Variants in WWOX observed in about 807,000 individuals in gnomAD.
WWOX encodes WW domain containing oxidoreductase.
Under a neutral mutation model 46.2 loss-of-function variants are expected in WWOX, and 69 were observed. The observed-to-expected ratio is 1.49, with a 90% CI of 1.23 to 1.82. The LOEUF (loss-of-function observed/expected upper bound fraction) is 1.82. WWOX is among the 40% of genes most tolerant of loss of function. The pLI, the probability that WWOX is intolerant of heterozygous loss-of-function variation, is 0.00. For missense variants in WWOX, 919 were observed against 542.6 expected, an observed-to-expected ratio of 1.69 and a Z score of -6.89; for synonymous variants, 359 against 202.6, an observed-to-expected ratio of 1.77 and a Z score of -6.56.
At position 78,925,764 on chromosome 16, in the gene WWOX, G is replaced by T. The variant is rs192693225; in HGVS notation, c.1057-285844G>T. Among the ~76,000 whole-genome samples the T allele has an allele frequency of 1.3e-4, 20 of 152,322 alleles. No homozygotes were observed. The East Asian group carries it at 2.9e-3, about 22-fold the overall frequency. ...CTCTCTAAGGGTGAAGATGCTGTTT[G>T]TTCTTGCAGGGTGAGGCTTTGGCCA... On this transcript the variant is annotated intron_variant, in intron 8 of 8. Transcript: ENST00000566780.
chr16:78,688,653 C>G (rs2047917090), intron 8 of WWOX, among the ~76,000 whole-genome samples: 1 of 152,116 alleles, frequency 6.6e-6, no homozygotes, highest in African/African-American at 2.4e-5. Flanking sequence ...TTGATAATGT[C>G]TGAGGCATTT....
At chr16:78,432,004 C>T (rs776403132) in intron 7 of WWOX, among the ~76,000 whole-genome samples, 1 of 152,162 alleles carries the variant, frequency 6.6e-6, no homozygotes, top group Non-Finnish European at 1.5e-5. Flanking sequence ...GCATGAGCCA[C>T]CAGACATGAC....
chr16:79,071,052 G>C (rs1020371993), intron 8 of WWOX, among the ~76,000 whole-genome samples: 1 of 152,204 alleles, frequency 6.6e-6, no homozygotes, highest in South Asian at 2.1e-4. Flanking sequence ...CATGGAGGCA[G>C]CATATAAGGT....
intron 8 of WWOX, among the ~76,000 whole-genome samples, chr16:78,504,285 GA>G (rs2085139453): frequency 6.6e-6 from 1 of 152,202 alleles, no homozygotes; most frequent in Non-Finnish European, 1.5e-5. Context: ...CCTGAAGGGG[GA>G]AAAGGTTTAA....
chr16:78,533,326 G>A (rs1187335777), intron 8 of WWOX, among the ~76,000 whole-genome samples: 1 of 151,944 alleles, frequency 6.6e-6, no homozygotes, highest in Non-Finnish European at 1.5e-5. Context: ...TAACATAGGG[G>A]TGTCCAAACT....
chr16:78,513,175 A>C (rs866920966), intron 8 of WWOX, among the ~76,000 whole-genome samples: 1 of 152,350 alleles, frequency 6.6e-6, no homozygotes. Flanking sequence ...CAAATGCCTC[A>C]AATCATTTTT....
chr16:78,620,535 G>C (rs73582855), intron 8 of WWOX, among the ~76,000 whole-genome samples: 3 of 152,300 alleles, frequency 2.0e-5, no homozygotes, highest in Non-Finnish European at 4.4e-5. Flanking sequence ...ACACTAGATA[G>C]TGGGTAGGGT....
At chr16:78,399,871 A>G (rs61171216) in intron 6 of WWOX, among the ~76,000 whole-genome samples, 1 of 152,228 alleles carries the variant, frequency 6.6e-6, no homozygotes, top group African/African-American at 2.4e-5. Flanking sequence ...ATCTTTTCCC[A>G]GTAAATTGTT....
At chr16:78,257,236 G>A (rs1357872751) in intron 5 of WWOX, among the ~76,000 whole-genome samples, 1 of 152,018 alleles carries the variant, frequency 6.6e-6, no homozygotes, top group Non-Finnish European at 1.5e-5. Flanking sequence ...GAAGGTTTAG[G>A]CATGTATGTT....
intron 8 of WWOX, among the ~76,000 whole-genome samples, chr16:78,818,641 G>T (rs548047888): frequency 1.3e-5 from 2 of 152,314 alleles, no homozygotes; most frequent in South Asian, 4.1e-4. Flanking sequence ...TGAGGCAGGA[G>T]GATCACTTGA....
intron 8 of WWOX, among the ~76,000 whole-genome samples, chr16:79,111,486 C>G (rs191566633): frequency 6.6e-6 from 1 of 152,056 alleles, no homozygotes; most frequent in East Asian, 1.9e-4. Context: ...ATCAAGCACT[C>G]GAGTATCCTA....
At chr16:78,848,782 G>C (rs2052364654) in intron 8 of WWOX, among the ~76,000 whole-genome samples, 1 of 136,274 alleles carries the variant, frequency 7.3e-6, no homozygotes, top group South Asian at 2.5e-4. Context: ...AAATAGACGG[G>C]AGTTACACAG....
chr16:79,105,845 C>G (rs953132252), intron 8 of WWOX: 4 of 151,962 alleles, frequency 2.6e-5, no homozygotes, highest in Non-Finnish European at 5.9e-5. Flanking sequence ...TTTTGTGTTG[C>G]TATTTTTATT....
chr16:78,960,963 A>C (rs2046260138), intron 8 of WWOX, among the ~76,000 whole-genome samples: 1 of 152,170 alleles, frequency 6.6e-6, no homozygotes. Flanking sequence ...CTGGAAAGAG[A>C]AGAATCTATA....
chr16:79,039,227 G>A (rs2047925644), intron 8 of WWOX, among the ~76,000 whole-genome samples: 1 of 152,132 alleles, frequency 6.6e-6, no homozygotes, highest in Admixed American at 6.5e-5. Context: ...AGGGGTTGCA[G>A]AATACCGATC....
intron 5 of WWOX, among the ~76,000 whole-genome samples, chr16:78,206,054 A>G (rs1400997483): frequency 6.6e-6 from 1 of 151,230 alleles, no homozygotes; most frequent in Non-Finnish European, 1.5e-5. Context: ...GTGTTTATCA[A>G]TAGACGATTA....
chr16:78,426,050 C>T (rs1486573802), intron 7 of WWOX, among the ~76,000 whole-genome samples: 1 of 152,156 alleles, frequency 6.6e-6, no homozygotes, highest in Admixed American at 6.5e-5. Flanking sequence ...ATAAGTGACA[C>T]ACTGCAGATA....
chr16:78,125,001 G>T (rs1265593200), intron 4 of WWOX, among the ~76,000 whole-genome samples: 1 of 152,110 alleles, frequency 6.6e-6, no homozygotes, highest in Non-Finnish European at 1.5e-5. Context: ...CATATAAAGA[G>T]GAACAAAATC....
rs142173444 is a variant in WWOX at position 79,031,071 on chromosome 16, C to G, written c.1057-180537C>G. 1.8e-3 allele frequency among the ~76,000 whole-genome samples: 235 copies of G among 133,688 alleles called. 4 individuals carry two copies. The East Asian group carries it at 0.039, about 22-fold the overall frequency. The allele number at this position is 133,688 out of a possible 152,430, so 87.7% of individuals were successfully genotyped here. On this transcript the variant is annotated intron_variant, in intron 8 of 8. Coordinates refer to ENST00000566780, the MANE Select transcript of WWOX (RefSeq NM_016373.4). ...TCGAGTCACTGCACTCCAGCCTGGA[C>G]AACAGAGTGAGACCCTGTCTCAAAA...
Sources: gnomAD v4.1 joint callset for allele counts (sites outside exome capture counted in the v4.1 genomes callset) on GRCh38, gnomAD v4.1.1 for gene constraint, MANE v1.5 for transcripts, NCBI Gene and HGNC (gene_info 2026-07-23, HGNC 2026-07-21) for gene names.